Variants in DPYSL2 observed in about 807,000 individuals in gnomAD.
DPYSL2 encodes dihydropyrimidinase-related protein 2.
DPYSL2 carries 13 observed loss-of-function variants against 69.9 expected under a neutral mutation model. That is an observed-to-expected ratio of 0.19 (90% CI 0.12 to 0.30). DPYSL2 has a LOEUF of 0.30. Among genes scored for constraint, DPYSL2 ranks in the 10% least tolerant of loss-of-function variants. DPYSL2 has a pLI of 1.00. For missense variants in DPYSL2, 587 were observed against 918.9 expected, an observed-to-expected ratio of 0.64 and a Z score of 4.67; for synonymous variants, 326 against 359.1, an observed-to-expected ratio of 0.91 and a Z score of 1.04.
Position 26,517,330 on chromosome 8 carries a change from A to G in DPYSL2, c.354+2651A>G, listed in dbSNP as rs1808309305. On this transcript the variant is annotated intron_variant, in intron 1 of 13. Coordinates refer to ENST00000521913, the MANE Select transcript of DPYSL2 (RefSeq NM_001197293.3). The surrounding 1 kb of genome is among the most constrained non-coding windows in gnomAD (Gnocchi z 4.2). The stretch of plus-strand genomic sequence containing the variant: ...AACTAAATGAAATTATATTCAGAGT[A>G]TGAGCCAGACAGCACCAGAAAGCGA... Among the ~76,000 whole-genome samples the G allele has an allele frequency of 1.3e-5, 2 of 152,346 alleles. No individual in the cohort carries two copies. Among genetic ancestry groups the G allele is most frequent in the African/African-American group, 2.4e-5 (1 of 41,590 alleles).
chr8:26,514,547 G>C lies in DPYSL2; in HGVS notation c.222G>C (p.Leu74Phe). The C allele has an allele frequency of 1.3e-6, 2 of 1,529,394 alleles. No individual in the cohort carries two copies. The highest frequency in any genetic ancestry group is 1.7e-6 in the Non-Finnish European group (2 of 1,143,982). 94.7% of individuals were successfully genotyped at this position (1,529,394 alleles called of 1,614,324 possible). Residue 74 changes from leucine (L) to phenylalanine (F), a missense_variant, in exon 1 of 14, where the codon TTG (leucine) becomes TTC (phenylalanine). Leu to Phe is a conservative substitution (Grantham distance 22, BLOSUM62 0). This residue lies in a region of DPYSL2 where 85 missense variants were observed against 77.7 expected (regional missense o/e 1.09). Transcript: ENST00000521913. The surrounding 1 kb of genome is among the most constrained non-coding windows in gnomAD (Gnocchi z 8.4). ...VVAQQRDVAH[L>F]GPDPQPPYSR... The stretch of plus-strand genomic sequence containing the variant: ...CTCAGCAGCGGGACGTCGCCCACTT[G>C]GGCCCGGACCCGCAGCCGCCGTACT...
intron 3 of DPYSL2, among the ~76,000 whole-genome samples, chr8:26,600,181 T>C (rs569612480): frequency 6.6e-6 from 1 of 152,374 alleles, no homozygotes; most frequent in South Asian, 2.1e-4. Flanking sequence ...ATTTGGGTTG[T>C]GTCCACTGTT....
At position 26,565,362 on chromosome 8, in the gene DPYSL2, C is replaced by T. The variant is rs145461378; in HGVS notation, c.355-16607C>T. On this transcript the variant is annotated intron_variant, in intron 1 of 13. Coordinates refer to ENST00000521913, the MANE Select transcript of DPYSL2 (RefSeq NM_001197293.3). This position sits in a 1 kb window ranked among gnomAD's most constrained non-coding sequence, Gnocchi z 4.1. ...TAGGGAATAGTGAATTTTAGGGCTG[C>T]CCCAGGATTGGGAGGTTGCAGGGTA... Among the ~76,000 whole-genome samples the T allele has an allele frequency of 3.9e-5, 6 of 152,230 alleles. No individual in the cohort carries two copies. Among genetic ancestry groups the T allele is most frequent in the African/African-American group, 1.4e-4 (6 of 41,540 alleles).
At chr8:26,542,859 A>T (rs989245942) in intron 1 of DPYSL2, among the ~76,000 whole-genome samples, 10 of 152,230 alleles carry the variant, frequency 6.6e-5, no homozygotes, top group African/African-American at 2.4e-4. Context: ...GTGTGTTTAG[A>T]CACAACATCC....
Position 26,597,279 on chromosome 8 carries a change from G to A in DPYSL2, c.628+13296G>A, listed in dbSNP as rs376047426. On this transcript the variant is annotated intron_variant, in intron 3 of 13. Transcript: ENST00000521913. The surrounding 1 kb of genome is among the most constrained non-coding windows in gnomAD (Gnocchi z 5.2). ...ACTTAATCCTTCTTCTGGGAGGCCC[G>A]GGAGCCTTCTTCCATGCGGGGCCAG... 1.3e-5 allele frequency among the ~76,000 whole-genome samples: 2 copies of A among 152,160 alleles called. No homozygotes were observed. The highest frequency in any genetic ancestry group is 2.9e-5 in the Non-Finnish European group (2 of 68,020).
At chr8:26,581,133 T>G (rs1010732974) in intron 1 of DPYSL2, among the ~76,000 whole-genome samples, 1 of 152,226 alleles carries the variant, frequency 6.6e-6, no homozygotes, top group Non-Finnish European at 1.5e-5. Flanking sequence ...TTGCTATACT[T>G]GCTGTGATTT....
At chr8:26,551,897 T>A (rs1202678914) in intron 1 of DPYSL2, among the ~76,000 whole-genome samples, 1 of 152,208 alleles carries the variant, frequency 6.6e-6, no homozygotes, top group Non-Finnish European at 1.5e-5. Context: ...TATGGCATCC[T>A]TGAACTCCTG....
rs537697975 is a variant in DPYSL2 at position 26,585,573 on chromosome 8, T to C, written c.628+1590T>C. On this transcript the variant is annotated intron_variant, in intron 3 of 13. Transcript: ENST00000521913. This position sits in a 1 kb window ranked among gnomAD's most constrained non-coding sequence, Gnocchi z 4.0. ...CCAGGGATGTCGGGGGGAGATTTCA[T>C]GCACACCTAGGGAGAGCAGAGCCTG... is the stretch of plus-strand genomic sequence containing the variant. Among the ~76,000 whole-genome samples the C allele has an allele frequency of 6.6e-6, 1 of 152,262 alleles. No homozygotes were observed. Among genetic ancestry groups the C allele is most frequent in the South Asian group, 2.1e-4 (1 of 4,826 alleles).
chr8:26,643,118 C>A lies in DPYSL2; in HGVS notation c.1127-321C>A. Reference sequence around the variant, plus strand: ...CACCTGGGACCGGATGCCTGGACACCATCCGAGCAGGAGATTAATGGAATT... The same window carrying A: ...CACCTGGGACCGGATGCCTGGACACAATCCGAGCAGGAGATTAATGGAATT... On this transcript the variant is annotated intron_variant, in intron 8 of 13. Coordinates refer to ENST00000521913, the MANE Select transcript of DPYSL2 (RefSeq NM_001197293.3). The surrounding 1 kb of genome is among the most constrained non-coding windows in gnomAD (Gnocchi z 6.5). The A allele has an allele frequency of 3.7e-6, 1 of 268,348 alleles. No individual in the cohort carries two copies. Among genetic ancestry groups the A allele is most frequent in the Non-Finnish European group, 7.0e-6 (1 of 143,154 alleles). The allele number at this position is 268,348 out of a possible 1,614,324, so 16.6% of individuals were successfully genotyped here.
Position 26,610,600 on chromosome 8 carries a change from A to T in DPYSL2, c.629-13543A>T, listed in dbSNP as rs567761943. ...CCCTCCTTCCCTCAATCACGCCTTT[A>T]TCCAGTCCCTTCCCACGCCCTGTTC... On this transcript the variant is annotated intron_variant, in intron 3 of 13. Coordinates refer to ENST00000521913, the MANE Select transcript of DPYSL2 (RefSeq NM_001197293.3). The surrounding 1 kb of genome is among the most constrained non-coding windows in gnomAD (Gnocchi z 4.5). 1.3e-5 allele frequency among the ~76,000 whole-genome samples: 2 copies of T among 152,038 alleles called. No individual in the cohort carries two copies. The highest frequency in any genetic ancestry group is 4.2e-4 in the South Asian group (2 of 4,812).
Position 26,514,229 on chromosome 8 carries a change from C to A in DPYSL2, c.-97C>A. The A allele has an allele frequency of 8.9e-7, 1 of 1,122,388 alleles. No homozygotes were observed. The highest frequency in any genetic ancestry group is 1.2e-6 in the Non-Finnish European group (1 of 850,332). The allele number at this position is 1,122,388 out of a possible 1,614,324, so 69.5% of individuals were successfully genotyped here. ...TGCGGTGGGCGGCGAACGGCAGCCG[C>A]GGCAGCAGCTAGGGGGCTTGTGCAC... On this transcript the variant is annotated 5_prime_UTR_variant, in exon 1 of 14. Transcript: ENST00000521913. The surrounding 1 kb of genome is among the most constrained non-coding windows in gnomAD (Gnocchi z 8.4).
rs387544 is a variant in DPYSL2 at position 26,564,774 on chromosome 8, A to T, written c.355-17195A>T. On this transcript the variant is annotated intron_variant, in intron 1 of 13. Coordinates refer to ENST00000521913, the MANE Select transcript of DPYSL2 (RefSeq NM_001197293.3). The surrounding 1 kb of genome is among the most constrained non-coding windows in gnomAD (Gnocchi z 4.8). The stretch of plus-strand genomic sequence containing the variant: ...TTCTTTTTAAAAGAATTTTTTTTTT[A>T]AAAAATTTCAATAGCTTTTGGGATA... Among the ~76,000 whole-genome samples the T allele has an allele frequency of 0.66, 99,364 of 150,934 alleles. 33,326 individuals are homozygous for T. The highest frequency in any genetic ancestry group is 0.95 in the East Asian group (4,874 of 5,120).
intron 1 of DPYSL2, among the ~76,000 whole-genome samples, chr8:26,525,918 T>C (rs1808468382): frequency 6.6e-6 from 1 of 152,214 alleles, no homozygotes; most frequent in South Asian, 2.1e-4. Flanking sequence ...GACACATGTA[T>C]TTTTAAAATA....
chr8:26,648,209 T>C lies in DPYSL2; in HGVS notation c.1596+409T>C, dbSNP rs2129985044. On this transcript the variant is annotated intron_variant, in intron 11 of 13. Coordinates refer to ENST00000521913, the MANE Select transcript of DPYSL2 (RefSeq NM_001197293.3). This position sits in a 1 kb window ranked among gnomAD's most constrained non-coding sequence, Gnocchi z 4.3. ...AGATGCCCACTGGGGACTTTGATCC[T>C]CTTAAGCCATTGTTTTCTCAGGCCA... Among the ~76,000 whole-genome samples the C allele has an allele frequency of 6.6e-6, 1 of 152,276 alleles. No homozygotes were observed. The highest frequency in any genetic ancestry group is 1.9e-4 in the East Asian group (1 of 5,170).
intron 3 of DPYSL2, among the ~76,000 whole-genome samples, chr8:26,601,725 C>T (rs575026985): frequency 4.6e-5 from 7 of 152,262 alleles, no homozygotes; most frequent in Non-Finnish European, 8.8e-5. Flanking sequence ...TTTAGGAGGA[C>T]GAGAGAGACC....
rs1268316684 is a variant in DPYSL2, at chr8:26,644,318, A to T, written c.1425+227A>T. Among the ~76,000 whole-genome samples, 1 of 152,038 alleles carries T rather than the reference A, an allele frequency of 6.6e-6. No individual in the cohort carries two copies. Among genetic ancestry groups the T allele is most frequent in the Non-Finnish European group, 1.5e-5 (1 of 67,994 alleles). On this transcript the variant is annotated intron_variant, in intron 10 of 13. Transcript: ENST00000521913. This position sits in a 1 kb window ranked among gnomAD's most constrained non-coding sequence, Gnocchi z 4.5. ...TATTTCTTTTTAAAACAATTTTTAA[A>T]TTTTTTTCAGACAAGGTCTTGCTCT...
chr8:26,634,785 G>T lies in DPYSL2; in HGVS notation c.1011G>T (p.Glu337Asp). 6.2e-7 allele frequency: 1 copy of T among 1,614,204 alleles called. No individual in the cohort carries two copies. Among genetic ancestry groups the T allele is most frequent in the Non-Finnish European group, 8.5e-7 (1 of 1,180,028 alleles). The change falls in exon 8 of 14, where the codon GAG (glutamate) becomes GAT (aspartate). Residue 337 changes from glutamate to aspartate, a missense_variant. Physicochemically the swap from Glu to Asp is conservative, Grantham distance 45. Around this residue, in one of 3 missense-constraint regions of DPYSL2, gnomAD observed 452 missense variants for 754.3 expected, o/e 0.60. Transcript: ENST00000521913. Reference sequence around the variant, plus strand: ...GCTCTGCTGCTGTTTTGCAGGTCGAGGCCGAAGCCGTGAATCGTGCCATCA... The same window carrying T: ...GCTCTGCTGCTGTTTTGCAGGTCGATGCCGAAGCCGTGAATCGTGCCATCA... ...GHVLSRPEEV[E>D]AEAVNRAITI...
Position 26,527,024 on chromosome 8 carries a change from T to C in DPYSL2, c.354+12345T>C, listed in dbSNP as rs753806149. On this transcript the variant is annotated intron_variant, in intron 1 of 13. Transcript: ENST00000521913. ...TTGACAAAGAAGCAGTGATCACTCCTATTAGTTAGAATGGGGGAGTTTGGC... is the reference window on the plus strand; with the variant it reads ...TTGACAAAGAAGCAGTGATCACTCCCATTAGTTAGAATGGGGGAGTTTGGC... Among the ~76,000 whole-genome samples, 11 of 152,362 alleles carry C rather than the reference T, an allele frequency of 7.2e-5. 1 individual carries two copies. In the South Asian group the frequency reaches 1.2e-3, roughly 17 times the overall value.
In DPYSL2 at chr8:26,591,530, C is replaced by T. The variant is rs1263843983; in HGVS notation, c.628+7547C>T. 6.6e-6 allele frequency among the ~76,000 whole-genome samples: 1 copy of T among 152,140 alleles called. No homozygotes were observed. Among genetic ancestry groups the T allele is most frequent in the African/African-American group, 2.4e-5 (1 of 41,426 alleles). On this transcript the variant is annotated intron_variant, in intron 3 of 13. Transcript: ENST00000521913. The surrounding 1 kb of genome is among the most constrained non-coding windows in gnomAD (Gnocchi z 5.8). ...GCATGCCTGGAGCTGGCTGTGGGGG[C>T]AGCCAGAGAAGCTGCCCAATGAGTC...
Sources: gnomAD v4.1 joint callset for allele counts (sites outside exome capture counted in the v4.1 genomes callset) on GRCh38, gnomAD v4.1.1 for gene constraint, gnomAD v4.1.1 regional missense constraint, Gnocchi (gnomAD v3.1) non-coding constraint, MANE v1.5 for transcripts, NCBI Gene and HGNC (gene_info 2026-07-23, HGNC 2026-07-21) for gene names.